Variants in FOXP2 observed in about 807,000 individuals in gnomAD.
FOXP2 encodes forkhead box protein P2.
FOXP2 carries 12 observed loss-of-function variants against 115.8 expected under a neutral mutation model. The observed-to-expected ratio is 0.10, with a 90% confidence interval of 0.07 to 0.17. FOXP2 has a LOEUF of 0.17. Among genes scored for constraint, FOXP2 ranks in the 10% least tolerant of loss-of-function variants. The pLI is 1.00. For synonymous variants in FOXP2, 328 were observed against 297.7 expected, an observed-to-expected ratio of 1.10 and a Z score of -1.05; for missense variants, 629 against 843.5, an observed-to-expected ratio of 0.75 and a Z score of 3.15.
intron 3 of FOXP2, among the ~76,000 whole-genome samples, chr7:114,576,000 G>T (rs1801557877): frequency 6.6e-6 from 1 of 151,716 alleles, no homozygotes; most frequent in Non-Finnish European, 1.5e-5. Flanking sequence ...GTTTTACTGT[G>T]TTTATTTTTG....
intron 2 of FOXP2, among the ~76,000 whole-genome samples, chr7:114,315,464 T>C (rs533204729): frequency 6.6e-6 from 1 of 152,308 alleles, no homozygotes; most frequent in South Asian, 2.1e-4. Flanking sequence ...TAAAACCATG[T>C]TATGAATGTA....
At chr7:114,456,558 A>C (rs1318286959) in intron 2 of FOXP2, among the ~76,000 whole-genome samples, 14 of 152,216 alleles carry the variant, frequency 9.2e-5, no homozygotes, top group Admixed American at 9.2e-4. Flanking sequence ...CTTGGATTTA[A>C]CACATTGCAG....
intron 1 of FOXP2, among the ~76,000 whole-genome samples, chr7:114,246,890 C>T (rs145749349): frequency 1.3e-5 from 2 of 152,156 alleles, no homozygotes; most frequent in East Asian, 1.9e-4. Flanking sequence ...CATTAAGATT[C>T]GCCAAGTCTT....
At chr7:114,486,698 T>A (rs1796794712) in intron 2 of FOXP2, among the ~76,000 whole-genome samples, 1 of 152,204 alleles carries the variant, frequency 6.6e-6, no homozygotes, top group South Asian at 2.1e-4. Flanking sequence ...ATATACCCAT[T>A]CCAAATGGGA....
At chr7:114,397,811 G>C (rs891285759) in intron 2 of FOXP2, among the ~76,000 whole-genome samples, 1 of 152,142 alleles carries the variant, frequency 6.6e-6, no homozygotes, top group Admixed American at 6.6e-5. Flanking sequence ...GCATAGCAGG[G>C]CTAACAATTA....
At chr7:114,684,114 TC>T (rs1464852177) in intron 16 of FOXP2, among the ~76,000 whole-genome samples, 1 of 152,194 alleles carries the variant, frequency 6.6e-6, no homozygotes. Flanking sequence ...CACCTCAGCC[TC>T]CCAAGTAGCT....
intron 2 of FOXP2, among the ~76,000 whole-genome samples, chr7:114,339,759 A>C (rs1791153772): frequency 6.6e-6 from 1 of 151,224 alleles, no homozygotes; most frequent in Admixed American, 6.6e-5. Flanking sequence ...CCTGTGTTAA[A>C]AGCATCCAAT....
chr7:114,375,635 TA>T lies in FOXP2; in HGVS notation c.-10-50865del, dbSNP rs200850375. On this transcript the variant is annotated intron_variant, in intron 2 of 17. Transcript: ENST00000634411. ...GGCTCATCTTCACTTTACATCATATTAACTTAGATAAGAGATCCTAAGTCTT... is the reference window on the plus strand; with the variant it reads ...GGCTCATCTTCACTTTACATCATATTACTTAGATAAGAGATCCTAAGTCTT... 4.6e-4 allele frequency among the ~76,000 whole-genome samples: 70 copies of T among 152,306 alleles called. 3 individuals are homozygous for T. In the East Asian group the frequency reaches 0.014, roughly 29 times the overall value.
chr7:114,518,448 A>G (rs1401073002), intron 2 of FOXP2, among the ~76,000 whole-genome samples: 3 of 152,170 alleles, frequency 2.0e-5, no homozygotes, highest in South Asian at 2.1e-4. Flanking sequence ...ACAGTGTAAT[A>G]AAGGTAATAT....
chr7:114,639,990 A>T (rs1365906869), intron 6 of FOXP2, among the ~76,000 whole-genome samples: 2 of 152,166 alleles, frequency 1.3e-5, no homozygotes, highest in African/African-American at 4.8e-5. Flanking sequence ...GAGTAAATTC[A>T]TATATTCAAG....
chr7:114,438,888 T>A (rs1003319126), intron 2 of FOXP2, among the ~76,000 whole-genome samples: 1 of 152,098 alleles, frequency 6.6e-6, no homozygotes, highest in African/African-American at 2.4e-5. Context: ...ACTGCCAGAG[T>A]ATTAGAGTGA....
chr7:114,398,028 G>T (rs1384887172), intron 2 of FOXP2, among the ~76,000 whole-genome samples: 1 of 151,890 alleles, frequency 6.6e-6, no homozygotes, highest in East Asian at 1.9e-4. Context: ...ATGGAGAGTG[G>T]CTGCATTAAC....
chr7:114,112,324 T>C lies in FOXP2; in HGVS notation c.-247+24486T>C, dbSNP rs1791291736. On this transcript the variant is annotated intron_variant, in intron 1 of 19. Transcript: ENST00000635638. ...TTTTTTTCTTTTTTTTGAGAAAGGG[T>C]CAAACTCTGTGGCCCAGGCTAGAGT... Among the ~76,000 whole-genome samples, 4 of 151,290 alleles carry C rather than the reference T, an allele frequency of 2.6e-5. No homozygotes were observed. The South Asian group carries it at 8.3e-4, about 31-fold the overall frequency.
At position 114,120,471 on chromosome 7, in the gene FOXP2, G is replaced by C. The variant is rs149180206; in HGVS notation, c.-247+32633G>C. ...ATCAAAGTTTTGAAAACGAGAGTAT[G>C]GTAAGAAAGGGGGCAGGGAGATCAG... On this transcript the variant is annotated intron_variant, in intron 1 of 19. Transcript: ENST00000635638. Among the ~76,000 whole-genome samples, 118 of 152,208 alleles carry C rather than the reference G, an allele frequency of 7.8e-4. 2 individuals carry two copies. The East Asian group carries it at 0.019, about 24-fold the overall frequency.
intron 2 of FOXP2, among the ~76,000 whole-genome samples, chr7:114,520,329 A>AATAAC (rs1342794800): frequency 6.6e-6 from 1 of 152,080 alleles, no homozygotes; most frequent in East Asian, 1.9e-4. Context: ...CCATATTTTG[A>AATAAC]ATAACTAGTT....
chr7:114,607,133 G>T (rs541814632), intron 3 of FOXP2, among the ~76,000 whole-genome samples: 1 of 152,156 alleles, frequency 6.6e-6, no homozygotes, highest in African/African-American at 2.4e-5. Context: ...CTTATAACTG[G>T]GCTAGTATCT....
intron 3 of FOXP2, among the ~76,000 whole-genome samples, chr7:114,594,699 A>G (rs959364359): frequency 6.6e-6 from 1 of 152,026 alleles, no homozygotes; most frequent in African/African-American, 2.4e-5. Context: ...ATTTAAGCAA[A>G]GCCTATGTTC....
chr7:114,164,980 T>TTTTA (rs1554424877), intron 1 of FOXP2, among the ~76,000 whole-genome samples: 12 of 150,188 alleles, frequency 8.0e-5, no homozygotes, highest in Admixed American at 7.3e-4. Context: ...TACAGTATGT[T>TTTTA]TATATATATA....
intron 1 of FOXP2, among the ~76,000 whole-genome samples, chr7:114,236,789 C>T (rs899212136): frequency 5.9e-5 from 9 of 152,016 alleles, no homozygotes; most frequent in Non-Finnish European, 2.9e-5. Flanking sequence ...CCAGCTTTGC[C>T]AACATAGCAA....
Sources: allele counts gnomAD v4.1 joint callset (sites outside exome capture counted in the v4.1 genomes callset), GRCh38; gene constraint gnomAD v4.1.1; transcripts MANE v1.5; gene names NCBI Gene and HGNC (gene_info 2026-07-23, HGNC 2026-07-21).